Variants in ADAMTS2 observed in about 807,000 individuals in gnomAD.
The protein encoded by ADAMTS2 is A disintegrin and metalloproteinase with thrombospondin motifs 2.
Under a neutral mutation model 123.0 loss-of-function variants are expected in ADAMTS2, and 50 were observed. The ratio of observed to expected loss-of-function variants is 0.41; its 90% CI spans 0.32 to 0.51. The LOEUF is 0.51. ADAMTS2 is among the 20% of genes least tolerant of loss of function. The pLI, the probability that ADAMTS2 is intolerant of heterozygous loss-of-function variation, is 0.35. For synonymous variants in ADAMTS2, 678 were observed against 695.4 expected (o/e 0.98, Z 0.39); for missense variants, 1,494 against 1,705.2 (o/e 0.88, Z 2.18).
At position 179,122,703 on chromosome 5, in the gene ADAMTS2, C is replaced by T. The variant is rs772670607; in HGVS notation, c.3029G>A (p.Gly1010Asp). ...VLCRTADDSF[G>D]ICQEERPETA... Reference sequence around the variant, plus strand: ...CTCAGGACGCTCCTCCTGGCAGATGCCGAAGCTGTCGTCCGCGGTGCGGCA... The same window carrying T: ...CTCAGGACGCTCCTCCTGGCAGATGTCGAAGCTGTCGTCCGCGGTGCGGCA... The change falls in exon 20 of 22, where the codon GGC (glycine) becomes GAC (aspartate). Residue 1010 changes from glycine (G) to aspartate (D), a missense_variant. Coordinates refer to ENST00000251582, the MANE Select transcript of ADAMTS2 (RefSeq NM_014244.5). The T allele has an allele frequency of 1.3e-6, 2 of 1,551,722 alleles. No individual in the cohort carries two copies. The highest frequency in any genetic ancestry group is 1.7e-6 in the Non-Finnish European group (2 of 1,147,626).
rs483352736 is a variant in ADAMTS2 at position 179,158,858 on chromosome 5, C to T, written c.997G>A (p.Gly333Arg). ...YGKSMSLIEIGNPSQSLENVC... is the reference protein window; with the variant it reads ...YGKSMSLIEIRNPSQSLENVC... ...TTCTCCAGGCTCTGAGAGGGGTTCCCGATCTCGATGAGGCTCATGGACTGC... is the reference window on the plus strand; with the variant it reads ...TTCTCCAGGCTCTGAGAGGGGTTCCTGATCTCGATGAGGCTCATGGACTGC... The change falls in exon 6 of 22, where the codon GGG (glycine) becomes AGG (arginine). Residue 333 changes from glycine (G) to arginine (R), a missense_variant. By Grantham distance (125) the Gly-to-Arg change is moderately radical. This residue lies in a region of ADAMTS2 where 70 missense variants were observed against 85.3 expected (regional missense o/e 0.82). Coordinates refer to ENST00000251582, the MANE Select transcript of ADAMTS2 (RefSeq NM_014244.5). This position sits in a 1 kb window ranked among gnomAD's most constrained non-coding sequence, Gnocchi z 5.0. The T allele has an allele frequency of 4.6e-5, 75 of 1,614,090 alleles. 1 individual carries two copies. In the South Asian group the frequency reaches 5.3e-4, roughly 11 times the overall value.
intron 10 of ADAMTS2, 26 bp downstream of exon 10, chr5:179,152,116 T>A (rs1446495992): frequency 6.2e-7 from 1 of 1,601,484 alleles, no homozygotes. Flanking sequence ...CCTGCTGCCC[T>A]CCAAGAGCCC....
intron 2 of ADAMTS2, chr5:179,341,356 A>G (rs773064752): frequency 7.5e-6 from 3 of 399,548 alleles, no homozygotes; most frequent in Middle Eastern, 3.9e-4. Flanking sequence ...AAGAAAGAAA[A>G]AAAGGAAGGA....
At position 179,130,184 on chromosome 5, in the gene ADAMTS2, G is replaced by A. The variant is rs542777942; in HGVS notation, c.2291-86C>T. On this transcript the variant is annotated intron_variant, in intron 15 of 21. Coordinates refer to ENST00000251582, the MANE Select transcript of ADAMTS2 (RefSeq NM_014244.5). This position sits in a 1 kb window ranked among gnomAD's most constrained non-coding sequence, Gnocchi z 4.3. ...TGGTTTGGGCTGGTCGGGGAGTGGG[G>A]GCAGCTAGCTGGACCCCTTGTCTCT... 5 of 1,533,082 alleles carry A rather than the reference G, an allele frequency of 3.3e-6. No individual in the cohort carries two copies. In the African/African-American group the frequency reaches 5.4e-5, roughly 17 times the overall value. The allele number at this position is 1,533,082 out of a possible 1,614,324, so 95.0% of individuals were successfully genotyped here.
intron 10 of ADAMTS2, among the ~76,000 whole-genome samples, chr5:179,148,246 G>A (rs1278183383): frequency 1.3e-5 from 2 of 151,878 alleles, no homozygotes; most frequent in Non-Finnish European, 2.9e-5. Context: ...CTCAACACAC[G>A]CCTGGCACAG....
At chr5:179,230,777 G>A (rs890367041) in intron 3 of ADAMTS2, among the ~76,000 whole-genome samples, 4 of 152,332 alleles carry the variant, frequency 2.6e-5, no homozygotes, top group African/African-American at 4.8e-5. Flanking sequence ...TTGGGAGGCC[G>A]AGGCAGGCGG....
At chr5:179,309,917 C>T (rs1003999039) in intron 2 of ADAMTS2, among the ~76,000 whole-genome samples, 2 of 152,194 alleles carry the variant, frequency 1.3e-5, no homozygotes, top group African/African-American at 4.8e-5. Context: ...GGACCCTGGA[C>T]CCAGCAGGCC....
chr5:179,238,016 C>T (rs988445560), intron 3 of ADAMTS2, among the ~76,000 whole-genome samples: 1 of 152,188 alleles, frequency 6.6e-6, no homozygotes, highest in African/African-American at 2.4e-5. Flanking sequence ...CCCACGGAGG[C>T]CTTGAACATC....
Position 179,302,379 on chromosome 5 carries a change from C to CAAAA in ADAMTS2, c.535-29319_535-29316dup, listed in dbSNP as rs1166990772. The stretch of plus-strand genomic sequence containing the variant: ...TCTGGGCGACAGAGCAAGACCGTCT[C>CAAAA]AAAAAAAAAAAAAAAAAAAAAAAAA... On this transcript the variant is annotated intron_variant, in intron 2 of 21. Transcript: ENST00000251582. Among the ~76,000 whole-genome samples the CAAAA allele has an allele frequency of 1.6e-4, 6 of 38,184 alleles. 1 individual carries two copies. The highest frequency in any genetic ancestry group is 3.2e-4 in the African/African-American group (3 of 9,454). The allele number at this position is 38,184 out of a possible 152,430, so 25.1% of individuals were successfully genotyped here.
chr5:179,127,887 C>T, intron 17 of ADAMTS2, 72 bp downstream of exon 17: 1 of 1,598,638 alleles, frequency 6.3e-7, no homozygotes, highest in Non-Finnish European at 8.5e-7. Flanking sequence ...CTGGCCCCAC[C>T]CCAGGGATGC....
At position 179,113,154 on chromosome 5, in the gene ADAMTS2, T is replaced by C. The variant is rs1762597681; in HGVS notation, c.*713A>G. 1 of 153,448 alleles carries C rather than the reference T, an allele frequency of 6.5e-6. No homozygotes were observed. The highest frequency in any genetic ancestry group is 2.4e-5 in the African/African-American group (1 of 41,442). The allele number at this position is 153,448 out of a possible 1,614,324, so 9.5% of individuals were successfully genotyped here. The stretch of plus-strand genomic sequence containing the variant: ...CCTTAAAATGTTCTGAGTCGACCTT[T>C]AAAGATTGAGTTTTTTTCATGCAAA... On this transcript the variant is annotated 3_prime_UTR_variant, in exon 22 of 22. Coordinates refer to ENST00000251582, the MANE Select transcript of ADAMTS2 (RefSeq NM_014244.5).
chr5:179,317,094 C>G lies in ADAMTS2; in HGVS notation c.534+26673G>C, dbSNP rs897450260. Among the ~76,000 whole-genome samples the G allele has an allele frequency of 6.6e-6, 1 of 152,150 alleles. No homozygotes were observed. The highest frequency in any genetic ancestry group is 6.5e-5 in the Admixed American group (1 of 15,284). On this transcript the variant is annotated intron_variant, in intron 2 of 21. Coordinates refer to ENST00000251582, the MANE Select transcript of ADAMTS2 (RefSeq NM_014244.5). The surrounding 1 kb of genome is among the most constrained non-coding windows in gnomAD (Gnocchi z 4.9). The stretch of plus-strand genomic sequence containing the variant: ...TCAGCAACAGACAATTACAGGAACA[C>G]AAGGACAAAGCCCAGAGCCCCAACC...
chr5:179,141,609 A>G (rs1212017022), intron 10 of ADAMTS2, among the ~76,000 whole-genome samples: 1 of 152,210 alleles, frequency 6.6e-6, no homozygotes, highest in East Asian at 1.9e-4. Flanking sequence ...AAGAAAAGCA[A>G]AAGTCTATGG....
At chr5:179,278,538 G>A (rs1581241810) in intron 2 of ADAMTS2, among the ~76,000 whole-genome samples, 2 of 152,116 alleles carry the variant, frequency 1.3e-5, no homozygotes, top group Non-Finnish European at 2.9e-5. Context: ...AGGCTGAAAA[G>A]CACTCAGTTG....
At chr5:179,190,853 A>G (rs1764288014) in intron 4 of ADAMTS2, among the ~76,000 whole-genome samples, 1 of 152,246 alleles carries the variant, frequency 6.6e-6, no homozygotes, top group African/African-American at 2.4e-5. Flanking sequence ...CCTCCTGGCC[A>G]TCACCATCGG....
rs149538982 is a variant in ADAMTS2, at chr5:179,182,195, C to T, written c.892-1040G>A. On this transcript the variant is annotated intron_variant, in intron 4 of 21. Coordinates refer to ENST00000251582, the MANE Select transcript of ADAMTS2 (RefSeq NM_014244.5). ...CCCCTGTGGGCTGGGCAGCCACCTG[C>T]ATCCTCCCTGCTTGCATGCCCAGAG... Among the ~76,000 whole-genome samples the T allele has an allele frequency of 2.6e-5, 4 of 152,360 alleles. No individual in the cohort carries two copies. In the East Asian group the frequency reaches 7.7e-4, roughly 29 times the overall value.
chr5:179,222,568 C>T (rs568333751), intron 3 of ADAMTS2, among the ~76,000 whole-genome samples: 13 of 152,316 alleles, frequency 8.5e-5, no homozygotes, highest in South Asian at 2.1e-4. Flanking sequence ...AGCAGCTGGC[C>T]GGGCAGAAAC....
chr5:179,337,897 T>A (rs26811), intron 2 of ADAMTS2, among the ~76,000 whole-genome samples: 63,802 of 131,104 alleles, frequency 0.49, 18,081 homozygotes, highest in East Asian at 0.72. Flanking sequence ...CACCCAGGTG[T>A]GGCCCCTATG....
At position 179,223,565 on chromosome 5, in the gene ADAMTS2, C is replaced by T. The variant is rs561204910; in HGVS notation, c.689-15850G>A. 3.4e-3 allele frequency among the ~76,000 whole-genome samples: 504 copies of T among 148,220 alleles called. 4 individuals are homozygous for T. The highest frequency in any genetic ancestry group is 8.4e-3 in the African/African-American group (328 of 39,182). On this transcript the variant is annotated intron_variant, in intron 3 of 21. Coordinates refer to ENST00000251582, the MANE Select transcript of ADAMTS2 (RefSeq NM_014244.5). ...TCACACGAATGCACTCACACACACG[C>T]GAATGCACTCGCACACGCATGCACT...
Sources: allele counts gnomAD v4.1 joint callset (sites outside exome capture counted in the v4.1 genomes callset), GRCh38; gene constraint gnomAD v4.1.1; regional missense constraint gnomAD v4.1.1; non-coding constraint Gnocchi (gnomAD v3.1); transcripts MANE v1.5; gene names NCBI Gene and HGNC (gene_info 2026-07-23, HGNC 2026-07-21).